The following FCHO2 variants were observed in gnomAD, a reference collection of about 807,000 sequenced individuals.
FCHO2 encodes FCH and mu domain containing endocytic adaptor 2, also known as F-BAR domain only protein 2.
A neutral mutation model predicts 114.1 loss-of-function variants in FCHO2; 43 were observed. That is an observed-to-expected ratio of 0.38 (90% confidence interval 0.30 to 0.49). The LOEUF (loss-of-function observed/expected upper bound fraction) is 0.49. Among genes scored for constraint, FCHO2 ranks in the 20% least tolerant of loss-of-function variants. FCHO2 has a pLI of 0.97. For missense variants in FCHO2, 807 were observed against 950.4 expected (o/e 0.85, Z 1.98); for synonymous variants, 293 against 315.2 (o/e 0.93, Z 0.75).
At chr5:73,046,447 C>T (rs2112822028) in intron 11 of FCHO2, among the ~76,000 whole-genome samples, 1 of 152,266 alleles carries the variant, frequency 6.6e-6, no homozygotes, top group Admixed American at 6.5e-5. Context: ...ATATAGAAAA[C>T]AGCTTGGTAT....
intron 22 of FCHO2, among the ~76,000 whole-genome samples, chr5:73,079,098 C>G (rs1358387165): frequency 6.6e-6 from 1 of 152,054 alleles, no homozygotes; most frequent in Non-Finnish European, 1.5e-5. Flanking sequence ...AAGAATAAGT[C>G]AAGAATTTTT....
At chr5:73,058,133 G>A (rs1210132903) in intron 16 of FCHO2, among the ~76,000 whole-genome samples, 1 of 151,874 alleles carries the variant, frequency 6.6e-6, no homozygotes, top group Non-Finnish European at 1.5e-5. Flanking sequence ...TAGCCTCCTG[G>A]ATAGCTAGGA....
intron 20 of FCHO2, 140 bp from the exon 21 acceptor site, chr5:73,077,198 T>TTATGATAAAGGATATCATA (rs1387385280): frequency 3.8e-6 from 2 of 532,650 alleles, no homozygotes; most frequent in African/African-American, 3.9e-5. Context: ...TAATCTATAG[T>TTATGATAAAGGATATCATA]TATGATAAAG....
chr5:72,971,541 T>C (rs1354599561), intron 2 of FCHO2, among the ~76,000 whole-genome samples: 1 of 152,208 alleles, frequency 6.6e-6, no homozygotes, highest in Non-Finnish European at 1.5e-5. Flanking sequence ...CACTTTTGGA[T>C]GGGGTTGTTT....
Position 73,061,007 on chromosome 5 carries a change from C to CACA in FCHO2, c.1345+2484_1345+2485insCAA, listed in dbSNP as rs1554074081. ...TGAATTAATTGAACTCTTGTGCTCA[C>CACA]AAAAAAAAAAAAAACCGCTTAAAAT... On this transcript the variant is annotated intron_variant, in intron 17 of 25. Coordinates refer to ENST00000430046, the MANE Select transcript of FCHO2 (RefSeq NM_138782.3). Among the ~76,000 whole-genome samples, 509 of 129,470 alleles carry CACA rather than the reference C, an allele frequency of 3.9e-3. 5 individuals carry two copies. The highest frequency in any genetic ancestry group is 0.014 in the African/African-American group (493 of 35,042). 84.9% of individuals were successfully genotyped at this position (129,470 alleles called of 152,430 possible). A position where few individuals can be genotyped will look rare whatever the true frequency, so the allele number is the denominator to read the frequency against.
chr5:73,025,618 A>G (rs1486694592), intron 8 of FCHO2, among the ~76,000 whole-genome samples: 1 of 151,966 alleles, frequency 6.6e-6, no homozygotes, highest in African/African-American at 2.4e-5. Flanking sequence ...ACCTCAGGTA[A>G]TCCTCCCACC....
At chr5:73,078,103 TGTC>T (rs1742975922) in intron 21 of FCHO2, 74 bp from the exon 22 acceptor site, 3 of 1,157,408 alleles carry the variant, frequency 2.6e-6, no homozygotes, top group Non-Finnish European at 3.5e-6. Flanking sequence ...GTTTTTCCTG[TGTC>T]ACCAAATTAC....
Position 73,082,843 on chromosome 5 carries a change from T to C in FCHO2, c.2245+18T>C, listed in dbSNP as rs1046818087. 1 of 1,558,262 alleles carries C rather than the reference T, an allele frequency of 6.4e-7. No individual in the cohort carries two copies. Reference sequence around the variant, plus strand: ...AAATGGAGGTAAGTGTGTGTGTCCTTTTTTATTTATAAAATGATGTCACTG... The same window carrying C: ...AAATGGAGGTAAGTGTGTGTGTCCTCTTTTATTTATAAAATGATGTCACTG... On this transcript the variant is annotated intron_variant, in intron 24 of 25. Coordinates refer to ENST00000430046, the MANE Select transcript of FCHO2 (RefSeq NM_138782.3).
intron 8 of FCHO2, among the ~76,000 whole-genome samples, chr5:73,028,872 C>T (rs537257678): frequency 7.2e-5 from 11 of 152,052 alleles, no homozygotes; most frequent in Non-Finnish European, 2.9e-5. Flanking sequence ...TGGTCTTGAA[C>T]TCCTGACCTC....
intron 2 of FCHO2, among the ~76,000 whole-genome samples, chr5:72,972,092 T>C (rs1166527839): frequency 6.6e-6 from 1 of 152,102 alleles, no homozygotes; most frequent in East Asian, 1.9e-4. Flanking sequence ...CATGCTGTTT[T>C]GGTTACTGTA....
intron 6 of FCHO2, among the ~76,000 whole-genome samples, chr5:73,013,439 TG>T (rs1205903096): frequency 6.6e-6 from 1 of 152,146 alleles, no homozygotes; most frequent in East Asian, 1.9e-4. Context: ...TGATTTAATT[TG>T]GAAAAAAATA....
intron 19 of FCHO2, among the ~76,000 whole-genome samples, chr5:73,071,339 C>T (rs62362207): frequency 0.14 from 21,704 of 151,654 alleles, 1,777 homozygotes; most frequent in East Asian, 0.34. Flanking sequence ...ACCTCTAATA[C>T]CTAAATTAGT....
At position 73,023,531 on chromosome 5, in the gene FCHO2, A is replaced by G. The variant is rs1266775010; in HGVS notation, c.796+6223A>G. 2.0e-5 allele frequency among the ~76,000 whole-genome samples: 3 copies of G among 152,038 alleles called. No individual in the cohort carries two copies. In the East Asian group the frequency reaches 5.8e-4, roughly 29 times the overall value. ...AGCCTGACCAACATAGTGAAACTCC[A>G]TCTCTACTAAATATAAAAATTAGCT... is the stretch of plus-strand genomic sequence containing the variant. On this transcript the variant is annotated intron_variant, in intron 8 of 25. Transcript: ENST00000430046.
chr5:73,049,058 A>T (rs1164192094), intron 11 of FCHO2, among the ~76,000 whole-genome samples: 1 of 150,868 alleles, frequency 6.6e-6, no homozygotes, highest in East Asian at 1.9e-4. Context: ...TTGTATTTTT[A>T]GTAGAGACGG....
chr5:72,968,521 T>A lies in FCHO2; in HGVS notation c.57T>A (p.Asp19Glu), dbSNP rs766782365. 6.5e-7 allele frequency: 1 copy of A among 1,529,178 alleles called. No individual in the cohort carries two copies. Among genetic ancestry groups the A allele is most frequent in the Admixed American group, 2.4e-5 (1 of 41,784 alleles). The allele number at this position is 1,529,178 out of a possible 1,614,324, so 94.7% of individuals were successfully genotyped here. The change falls in exon 2 of 26, where the codon GAT (aspartate) becomes GAA (glutamate). Residue 19 changes from aspartate (D) to glutamate (E), a missense_variant. Coordinates refer to ENST00000430046, the MANE Select transcript of FCHO2 (RefSeq NM_138782.3). ...NFWGEKNSGF[D>E]VLYHNMKHGQ... is the part of the protein sequence containing the mutation. ...AGGGGGAAAAAAATAGTGGCTTTGATGTCCTCTACCATAATATGAAACATG... is the reference window on the plus strand; with the variant it reads ...AGGGGGAAAAAAATAGTGGCTTTGAAGTCCTCTACCATAATATGAAACATG...
chr5:73,035,637 G>A (rs1358269755), intron 9 of FCHO2, among the ~76,000 whole-genome samples: 1 of 151,886 alleles, frequency 6.6e-6, no homozygotes, highest in African/African-American at 2.4e-5. Flanking sequence ...AAATTAGCTG[G>A]GACTACAGGT....
intron 5 of FCHO2, among the ~76,000 whole-genome samples, chr5:72,995,762 T>C (rs1754058249): frequency 6.6e-6 from 1 of 152,074 alleles, no homozygotes; most frequent in Non-Finnish European, 1.5e-5. Flanking sequence ...ATTTCCATGA[T>C]AATCCATTGA....
chr5:73,077,330 T>C lies in FCHO2; in HGVS notation c.1692-8T>C. 1 of 1,558,888 alleles carries C rather than the reference T, an allele frequency of 6.4e-7. No individual in the cohort carries two copies. The highest frequency in any genetic ancestry group is 1.2e-5 in the South Asian group (1 of 83,308). The stretch of plus-strand genomic sequence containing the variant: ...TTATTTAAACACTTTTCAAAATCCC[T>C]GTTTTAGGTGTATTGTGAAGATCAC... On this transcript the variant is annotated splice_polypyrimidine_tract_variant and splice_region_variant and intron_variant, in intron 20 of 25. Transcript: ENST00000430046.
intron 2 of FCHO2, among the ~76,000 whole-genome samples, chr5:72,983,208 C>T (rs1003530732): frequency 1.3e-5 from 2 of 152,002 alleles, no homozygotes; most frequent in African/African-American, 2.4e-5. Flanking sequence ...GCCACCATGC[C>T]CGGCCTTTTT....
Sources: gnomAD v4.1 joint callset for allele counts (sites outside exome capture counted in the v4.1 genomes callset) on GRCh38, gnomAD v4.1.1 for gene constraint, MANE v1.5 for transcripts, NCBI Gene and HGNC (gene_info 2026-07-23, HGNC 2026-07-21) for gene names.